CNTNAP5: variants seen among roughly 807,000 people sequenced by gnomAD.
CNTNAP5 encodes the protein contactin associated protein family member 5, also known as contactin-associated protein-like 5.
CNTNAP5 carries 72 observed loss-of-function variants against 150.2 expected under a neutral mutation model. That is an observed-to-expected ratio of 0.48 (90% CI 0.40 to 0.58). The LOEUF is 0.58. Ranked by LOEUF, CNTNAP5 falls within the 20% of genes least tolerant of loss-of-function variation. The pLI, the probability that CNTNAP5 is intolerant of heterozygous loss-of-function variation, is 0.00. For synonymous variants in CNTNAP5, 672 were observed against 619.8 expected, an observed-to-expected ratio of 1.08 and a Z score of -1.25; for missense variants, 1,636 against 1,626.2, an observed-to-expected ratio of 1.01 and a Z score of -0.10.
intron 3 of CNTNAP5, among the ~76,000 whole-genome samples, chr2:124,365,081 C>T (rs757247585): frequency 5.3e-5 from 8 of 151,768 alleles, no homozygotes; most frequent in African/African-American, 1.7e-4. Context: ...TCCTAATAGC[C>T]GATAAGAAAA....
chr2:124,597,384 T>C (rs1161175955), intron 11 of CNTNAP5, among the ~76,000 whole-genome samples: 1 of 150,192 alleles, frequency 6.7e-6, no homozygotes, highest in Non-Finnish European at 1.5e-5. Context: ...AAGTATTTTA[T>C]TTCTCCTTCA....
intron 11 of CNTNAP5, among the ~76,000 whole-genome samples, chr2:124,572,439 G>T (rs1327766217): frequency 6.6e-6 from 1 of 152,090 alleles, no homozygotes; most frequent in Non-Finnish European, 1.5e-5. Context: ...GAACAAACCT[G>T]CATGTGTACC....
chr2:124,109,427 G>A (rs1257856955), intron 1 of CNTNAP5, among the ~76,000 whole-genome samples: 1 of 152,212 alleles, frequency 6.6e-6, no homozygotes, highest in Non-Finnish European at 1.5e-5. Context: ...GCATGACAGA[G>A]CTGTCCCTTG....
intron 4 of CNTNAP5, among the ~76,000 whole-genome samples, chr2:124,422,674 C>T (rs1044179252): frequency 1.3e-5 from 2 of 152,144 alleles, no homozygotes; most frequent in Admixed American, 1.3e-4. Context: ...AGTTAGCAAC[C>T]TACGATTCCT....
At chr2:124,728,988 CAG>C (rs1248825887) in intron 13 of CNTNAP5, among the ~76,000 whole-genome samples, 3 of 151,994 alleles carry the variant, frequency 2.0e-5, no homozygotes, top group Non-Finnish European at 2.9e-5. Flanking sequence ...GGCTGGTATG[CAG>C]AGAGAGACAG....
At chr2:124,672,013 G>A (rs1275549255) in intron 13 of CNTNAP5, among the ~76,000 whole-genome samples, 4 of 152,116 alleles carry the variant, frequency 2.6e-5, no homozygotes, top group Non-Finnish European at 5.9e-5. Flanking sequence ...ATGTGTTAAC[G>A]ATGCCATCAC....
chr2:124,782,848 T>C (rs1681483507), intron 17 of CNTNAP5, among the ~76,000 whole-genome samples: 2 of 152,246 alleles, frequency 1.3e-5, no homozygotes, highest in East Asian at 3.9e-4. Flanking sequence ...CCATAATAAA[T>C]ACAGAATATT....
intron 19 of CNTNAP5, among the ~76,000 whole-genome samples, chr2:124,847,797 C>A (rs1040559423): frequency 2.6e-5 from 4 of 152,120 alleles, no homozygotes; most frequent in Non-Finnish European, 5.9e-5. Flanking sequence ...ATATCTAATT[C>A]TTTTCTGTTC....
chr2:124,190,369 GGGA>G (rs577553587), intron 1 of CNTNAP5, among the ~76,000 whole-genome samples: 117 of 152,210 alleles, frequency 7.7e-4, no homozygotes, highest in Non-Finnish European at 1.5e-3. Flanking sequence ...GGTTCCATTA[GGGA>G]GGAGGAGGAG....
At chr2:124,904,372 G>T (rs1678485150) in intron 22 of CNTNAP5, among the ~76,000 whole-genome samples, 1 of 151,936 alleles carries the variant, frequency 6.6e-6, no homozygotes, top group South Asian at 2.1e-4. Context: ...AATCATTTAA[G>T]CATTAACAGA....
intron 12 of CNTNAP5, among the ~76,000 whole-genome samples, chr2:124,643,347 G>C (rs1172459981): frequency 6.6e-6 from 1 of 152,118 alleles, no homozygotes; most frequent in Non-Finnish European, 1.5e-5. Context: ...AACAAACTGG[G>C]TAGCAAAAAG....
chr2:124,408,119 G>A (rs1469676482), intron 3 of CNTNAP5, among the ~76,000 whole-genome samples: 1 of 152,218 alleles, frequency 6.6e-6, no homozygotes, highest in African/African-American at 2.4e-5. Flanking sequence ...AGAAAGGGGT[G>A]ACGGAAGGCA....
Position 124,647,935 on chromosome 2 carries a change from G to A in CNTNAP5, c.2054G>A (p.Arg685Lys). ...CEQEVAYHCR[R>K]SRLLNTPDGT... ...CAGGAGGTGGCCTACCACTGCAGGA[G>A]GTCCCGCCTGCTCAACACGCCGGGT... Residue 685 changes from arginine to lysine, a missense_variant, in exon 13 of 24, where the codon AGG becomes AAG. Arg to Lys is a conservative substitution (Grantham distance 26). Coordinates refer to ENST00000682447, the MANE Select transcript of CNTNAP5 (RefSeq NM_001367498.1). 1.2e-6 allele frequency: 2 copies of A among 1,603,856 alleles called. No homozygotes were observed. Among genetic ancestry groups the A allele is most frequent in the African/African-American group, 2.7e-5 (2 of 74,858 alleles).
intron 23 of CNTNAP5, among the ~76,000 whole-genome samples, chr2:124,911,837 G>T (rs1678662555): frequency 6.6e-6 from 1 of 152,094 alleles, no homozygotes; most frequent in Non-Finnish European, 1.5e-5. Flanking sequence ...ATTTCATACA[G>T]TTTTCACTGT....
chr2:124,311,352 C>T lies in CNTNAP5; in HGVS notation c.381+68959C>T, dbSNP rs919461376. Reference sequence around the variant, plus strand: ...GAGGCCTCTCTTTCTAGCTTGCAGACGGCCGCCTTCTCATGGAGTCCTCAC... The same window carrying T: ...GAGGCCTCTCTTTCTAGCTTGCAGATGGCCGCCTTCTCATGGAGTCCTCAC... On this transcript the variant is annotated intron_variant, in intron 3 of 23. Coordinates refer to ENST00000682447, the MANE Select transcript of CNTNAP5 (RefSeq NM_001367498.1). 7.2e-5 allele frequency among the ~76,000 whole-genome samples: 11 copies of T among 152,182 alleles called. 1 individual carries two copies. In the East Asian group the frequency reaches 1.5e-3, roughly 21 times the overall value.
intron 22 of CNTNAP5, among the ~76,000 whole-genome samples, chr2:124,909,824 G>GATATATATAT (rs1203121251): frequency 0.037 from 1,066 of 29,134 alleles, 34 homozygotes; most frequent in African/African-American, 0.098. Flanking sequence ...ATCAATTGGT[G>GATATATATAT]ACATATATAT....
At chr2:124,890,284 T>G (rs1249754424) in intron 21 of CNTNAP5, among the ~76,000 whole-genome samples, 1 of 152,102 alleles carries the variant, frequency 6.6e-6, no homozygotes, top group East Asian at 1.9e-4. Flanking sequence ...AATCCGGAAG[T>G]GCCCAGGTTT....
intron 1 of CNTNAP5, among the ~76,000 whole-genome samples, chr2:124,145,829 G>GA (rs1558773932): frequency 3.6e-4 from 9 of 25,156 alleles, no homozygotes; most frequent in African/African-American, 1.3e-3. Flanking sequence ...AAAAAAAAAA[G>GA]AAGAAAAAAA....
At chr2:124,591,137 CT>C (rs1696670394) in intron 11 of CNTNAP5, among the ~76,000 whole-genome samples, 1 of 152,168 alleles carries the variant, frequency 6.6e-6, no homozygotes, top group East Asian at 1.9e-4. Context: ...CTGAGTACCC[CT>C]AATACCAGAC....
Sources: gnomAD v4.1 joint callset for allele counts (sites outside exome capture counted in the v4.1 genomes callset) on GRCh38, gnomAD v4.1.1 for gene constraint, MANE v1.5 for transcripts, NCBI Gene and HGNC (gene_info 2026-07-23, HGNC 2026-07-21) for gene names.